Variants in KDELR1 observed in about 807,000 individuals in gnomAD.
The protein encoded by KDELR1 is KDEL endoplasmic reticulum protein retention receptor 1.
Under a neutral mutation model 25.5 loss-of-function variants are expected in KDELR1, and 16 were observed. That is an observed-to-expected ratio of 0.63 (90% CI 0.43 to 0.95). The LOEUF is 0.95. Ranked by LOEUF, KDELR1 falls within the 40% of genes least tolerant of loss-of-function variation. The pLI is 0.00. For synonymous variants in KDELR1, 121 were observed against 115.0 expected, an observed-to-expected ratio of 1.05 and a Z score of -0.33; for missense variants, 159 against 265.2, an observed-to-expected ratio of 0.60 and a Z score of 2.78.
upstream of KDELR1, chr19:48,391,653 C>T: frequency 2.3e-6 from 1 of 437,350 alleles, no homozygotes; most frequent in Non-Finnish European, 4.2e-6. Context: ...TCCTGCTTTG[C>T]CGTGGCGGCG....
chr19:48,385,801 C>T (rs1356604518), intron 3 of KDELR1, among the ~76,000 whole-genome samples: 1 of 152,208 alleles, frequency 6.6e-6, no homozygotes, highest in Non-Finnish European at 1.5e-5. Flanking sequence ...TCCAAGGCAT[C>T]GCTCCTTAGG....
upstream of KDELR1, chr19:48,391,559 A>G (rs1358833873): frequency 5.2e-6 from 3 of 576,524 alleles, no homozygotes; most frequent in African/African-American, 1.9e-5. Flanking sequence ...AAGAGGGAGG[A>G]GAGCGAGAGG....
At chr19:48,397,151 G>A in the KDELR1 span, among the ~76,000 whole-genome samples, 1 of 152,096 alleles carries the variant, frequency 6.6e-6, no homozygotes, top group East Asian at 1.9e-4. Flanking sequence ...CCCAGATGGG[G>A]CCATGACTCC....
intron 3 of KDELR1, among the ~76,000 whole-genome samples, chr19:48,388,214 G>A (rs1348840695): frequency 6.6e-6 from 1 of 152,166 alleles, no homozygotes; most frequent in Non-Finnish European, 1.5e-5. Flanking sequence ...GCTGCTACAT[G>A]GTAGAGGCAG....
chr19:48,389,404 G>C (rs1399780856), intron 3 of KDELR1, 149 bp downstream of exon 3: 8 of 815,130 alleles, frequency 9.8e-6, no homozygotes, highest in Non-Finnish European at 1.0e-5. Context: ...AATTTCCTCT[G>C]ACCCCAGAGC....
At chr19:48,388,763 G>C (rs1361506108) in intron 3 of KDELR1, among the ~76,000 whole-genome samples, 2 of 138,368 alleles carry the variant, frequency 1.4e-5, no homozygotes, top group African/African-American at 5.4e-5. Context: ...AAGAAAGAAA[G>C]GAAAGAAAGG....
upstream of KDELR1, among the ~76,000 whole-genome samples, chr19:48,394,474 G>A (rs915124750): frequency 1.4e-5 from 2 of 143,274 alleles, no homozygotes; most frequent in African/African-American, 5.1e-5. This position sits in a 1 kb window ranked among gnomAD's most constrained non-coding sequence, Gnocchi z 5.1. Context: ...GGGGCTGAGG[G>A]CACAAAGCGG....
Position 48,384,192 on chromosome 19 carries a change from T to C in KDELR1, c.604+38A>G. The C allele has an allele frequency of 6.2e-7, 1 of 1,609,352 alleles. No homozygotes were observed. On this transcript the variant is annotated intron_variant, in intron 4 of 4. Coordinates refer to ENST00000330720, the MANE Select transcript of KDELR1 (RefSeq NM_006801.3). The surrounding 1 kb of genome is among the most constrained non-coding windows in gnomAD (Gnocchi z 4.6). Reference sequence around the variant, plus strand: ...CCAGGGAGGGCAGGAGCTGCAGAAATAGGAGGTTCCCTTCCAGCCGTCCCA... The same window carrying C: ...CCAGGGAGGGCAGGAGCTGCAGAAACAGGAGGTTCCCTTCCAGCCGTCCCA...
At chr19:48,394,763 G>T, upstream of KDELR1, 1 of 155,600 alleles carries the variant, frequency 6.4e-6, no homozygotes, top group Non-Finnish European at 1.4e-5. This position sits in a 1 kb window ranked among gnomAD's most constrained non-coding sequence, Gnocchi z 5.1. Flanking sequence ...CGGAGCCAGG[G>T]ACAGACAGGA....
At chr19:48,388,906 AG>A (rs1377526261) in intron 3 of KDELR1, among the ~76,000 whole-genome samples, 13 of 96,686 alleles carry the variant, frequency 1.3e-4, no homozygotes, top group East Asian at 1.3e-3. Flanking sequence ...GAAGAAAGGA[AG>A]AAAGGAAAGA....
At chr19:48,389,750 G>A in intron 2 of KDELR1, 39 bp from the exon 3 acceptor site, 1 of 1,610,506 alleles carries the variant, frequency 6.2e-7, no homozygotes, top group Non-Finnish European at 8.5e-7. Context: ...TCAACTCACA[G>A]GCCTGTGCCC....
chr19:48,390,297 GGCC>G, intron 2 of KDELR1, 124 bp downstream of exon 2: 1 of 514,140 alleles, frequency 1.9e-6, no homozygotes, highest in Non-Finnish European at 3.4e-6. Context: ...CCAGGCCCCC[GGCC>G]CCTCCTCCCT....
upstream of KDELR1, among the ~76,000 whole-genome samples, chr19:48,395,667 C>T (rs774078365): frequency 2.6e-5 from 4 of 152,046 alleles, no homozygotes; most frequent in Non-Finnish European, 4.4e-5. Context: ...CCTCCTCCTC[C>T]TCCCCGCTTG....
intron 3 of KDELR1, among the ~76,000 whole-genome samples, chr19:48,387,199 T>C (rs1970504094): frequency 1.3e-5 from 2 of 151,980 alleles, no homozygotes; most frequent in Non-Finnish European, 2.9e-5. Context: ...ACAGGGCAGT[T>C]ATGAGCTAAG....
chr19:48,395,156 T>C (rs1449119393), upstream of KDELR1, among the ~76,000 whole-genome samples: 1 of 151,560 alleles, frequency 6.6e-6, no homozygotes, highest in East Asian at 1.9e-4. Context: ...CCTCAGACCT[T>C]TCACGCCCCC....
chr19:48,388,723 AAAAGGAAG>A (rs71334294), intron 3 of KDELR1, among the ~76,000 whole-genome samples: 21 of 128,550 alleles, frequency 1.6e-4, no homozygotes, highest in South Asian at 7.9e-4. Flanking sequence ...GAAAAGGAAG[AAAAGGAAG>A]AAAGGAAGAA....
intron 3 of KDELR1, among the ~76,000 whole-genome samples, chr19:48,389,057 G>A (rs1162853668): frequency 6.6e-6 from 1 of 152,200 alleles, no homozygotes; most frequent in Admixed American, 6.5e-5. Flanking sequence ...GATTATTTGA[G>A]CCCAGGAGTT....
upstream of KDELR1, chr19:48,391,667 A>C: frequency 2.4e-6 from 1 of 410,958 alleles, no homozygotes; most frequent in Non-Finnish European, 4.5e-6. Flanking sequence ...GGCGGCGCTA[A>C]ACGCACCCCC....
chr19:48,393,009 G>A (rs1970580102), upstream of KDELR1, among the ~76,000 whole-genome samples: 1 of 152,218 alleles, frequency 6.6e-6, no homozygotes, highest in Admixed American at 6.5e-5. This position sits in a 1 kb window ranked among gnomAD's most constrained non-coding sequence, Gnocchi z 5.6. Context: ...GATGATGGAG[G>A]CCAGGGTCCC....
Sources: allele counts gnomAD v4.1 joint callset (sites outside exome capture counted in the v4.1 genomes callset), GRCh38; gene constraint gnomAD v4.1.1; non-coding constraint Gnocchi (gnomAD v3.1); transcripts MANE v1.5; gene names NCBI Gene and HGNC (gene_info 2026-07-23, HGNC 2026-07-21).